The following GRID2 variants were observed in gnomAD, a reference collection of about 807,000 sequenced individuals.
The protein encoded by GRID2 is glutamate ionotropic receptor delta type subunit 2, also known as glutamate receptor ionotropic, delta-2.
Under a neutral mutation model 114.8 loss-of-function variants are expected in GRID2, and 33 were observed. That is an observed-to-expected ratio of 0.29 (90% CI 0.22 to 0.38). The LOEUF (loss-of-function observed/expected upper bound fraction) is 0.38, where lower values mean the gene tolerates loss of function less well. Among genes scored for constraint, GRID2 ranks in the 10% least tolerant of loss-of-function variants. The probability of loss-of-function intolerance (pLI) is 1.00; values close to 1 mark genes in which losing one functional copy is unlikely to be tolerated. For synonymous variants in GRID2, 505 were observed against 449.9 expected, an observed-to-expected ratio of 1.12 and a Z score of -1.55; for missense variants, 1,184 against 1,257.7, an observed-to-expected ratio of 0.94 and a Z score of 0.89.
chr4:93,732,763 TG>T (rs1433649796), intron 14 of GRID2, among the ~76,000 whole-genome samples: 1 of 152,142 alleles, frequency 6.6e-6, no homozygotes, highest in Non-Finnish European at 1.5e-5. Context: ...CAGCAGCTAA[TG>T]GTCACATTAC....
chr4:93,407,899 T>A (rs114119991), intron 9 of GRID2, among the ~76,000 whole-genome samples: 1,880 of 152,050 alleles, frequency 0.012, 45 homozygotes, highest in African/African-American at 0.043. Context: ...TTTTAACCAT[T>A]GCTAGTGGTA....
At chr4:93,710,286 TA>T (rs1217885004) in intron 14 of GRID2, among the ~76,000 whole-genome samples, 1 of 152,208 alleles carries the variant, frequency 6.6e-6, no homozygotes, top group Non-Finnish European at 1.5e-5. Flanking sequence ...ATATATACAT[TA>T]GGGGGCACCC....
At chr4:93,013,850 G>A (rs919534063) in intron 2 of GRID2, among the ~76,000 whole-genome samples, 2 of 151,686 alleles carry the variant, frequency 1.3e-5, no homozygotes, top group Admixed American at 1.3e-4. Context: ...CATTATTTGA[G>A]GGGCAATTAT....
intron 2 of GRID2, among the ~76,000 whole-genome samples, chr4:92,868,873 A>G (rs1468688884): frequency 6.6e-6 from 1 of 152,146 alleles, no homozygotes; most frequent in African/African-American, 2.4e-5. Flanking sequence ...TTCTATTTAT[A>G]TTGCTTAAAA....
chr4:92,477,039 A>G lies in GRID2; in HGVS notation c.89-113092A>G, dbSNP rs73837305. On this transcript the variant is annotated intron_variant, in intron 1 of 15. Coordinates refer to ENST00000282020, the MANE Select transcript of GRID2 (RefSeq NM_001510.4). The stretch of plus-strand genomic sequence containing the variant: ...TGGCTAAACTATTTGATTTAACTTC[A>G]TGTGTGTGTGTGTGTGTGTGTGTGT... Among the ~76,000 whole-genome samples, 179 of 119,536 alleles carry G rather than the reference A, an allele frequency of 1.5e-3. 3 individuals are homozygous for G. Among genetic ancestry groups the G allele is most frequent in the African/African-American group, 3.5e-3 (111 of 31,784 alleles). 78.4% of individuals were successfully genotyped at this position (119,536 alleles called of 152,430 possible).
Position 92,442,545 on chromosome 4 carries a change from C to T in GRID2, c.88+137801C>T, listed in dbSNP as rs570489176. Among the ~76,000 whole-genome samples the T allele has an allele frequency of 3.9e-5, 6 of 152,060 alleles. No individual in the cohort carries two copies. The South Asian group carries it at 8.3e-4, about 21-fold the overall frequency. ...GTCTCACAGTGGAGGCAAGGAATTG[C>T]AACTTTTTTCTATTATTGTACACCT... On this transcript the variant is annotated intron_variant, in intron 1 of 15. Coordinates refer to ENST00000282020, the MANE Select transcript of GRID2 (RefSeq NM_001510.4).
intron 2 of GRID2, among the ~76,000 whole-genome samples, chr4:92,762,982 T>C (rs1427547540): frequency 1.3e-5 from 2 of 152,204 alleles, no homozygotes; most frequent in Non-Finnish European, 2.9e-5. Flanking sequence ...TACATAGTTA[T>C]TGAGGGGGTT....
intron 5 of GRID2, among the ~76,000 whole-genome samples, chr4:93,207,679 C>A (rs1258602110): frequency 6.6e-6 from 1 of 151,912 alleles, no homozygotes. Flanking sequence ...CTCACTGAGT[C>A]TCTTTTAGCT....
intron 8 of GRID2, among the ~76,000 whole-genome samples, chr4:93,307,216 A>T (rs1226568480): frequency 6.5e-5 from 8 of 122,570 alleles, no homozygotes; most frequent in Non-Finnish European, 1.0e-4. Context: ...AGAAAAAAAT[A>T]AAAAAAAAAA....
chr4:93,322,983 C>A lies in GRID2; in HGVS notation c.1246-72624C>A, dbSNP rs375883057. Among the ~76,000 whole-genome samples the A allele has an allele frequency of 3.9e-5, 6 of 152,092 alleles. No homozygotes were observed. In the South Asian group the frequency reaches 8.3e-4, roughly 21 times the overall value. On this transcript the variant is annotated intron_variant, in intron 8 of 15. Transcript: ENST00000282020. ...ATGAGTAGACTGCAAAAATTTTCTC[C>A]TATTCTGTAGGTTGCCTGTTCACTC... is the stretch of plus-strand genomic sequence containing the variant.
At chr4:92,351,167 T>G (rs1012138437) in intron 1 of GRID2, among the ~76,000 whole-genome samples, 2 of 151,886 alleles carry the variant, frequency 1.3e-5, no homozygotes, top group African/African-American at 4.8e-5. Context: ...GGACATATGT[T>G]TTAATTTCTC....
chr4:92,650,524 A>G (rs529383001), intron 2 of GRID2, among the ~76,000 whole-genome samples: 236 of 152,206 alleles, frequency 1.6e-3, no homozygotes, highest in African/African-American at 5.5e-3. Flanking sequence ...CCCTTTGGTA[A>G]TAAGGATTAA....
At chr4:92,688,036 T>TCC (rs1251974038) in intron 2 of GRID2, among the ~76,000 whole-genome samples, 1 of 129,948 alleles carries the variant, frequency 7.7e-6, no homozygotes, top group South Asian at 2.7e-4. Flanking sequence ...CCCTTCTTCT[T>TCC]CTTTTTTTTT....
At chr4:92,521,440 G>C (rs1240549884) in intron 1 of GRID2, among the ~76,000 whole-genome samples, 1 of 151,864 alleles carries the variant, frequency 6.6e-6, no homozygotes, top group Non-Finnish European at 1.5e-5. Context: ...TAAAATAAAT[G>C]AGTTATTAAA....
Position 93,241,808 on chromosome 4 carries a change from A to G in GRID2, c.1245+3318A>G, listed in dbSNP as rs554285918. The stretch of plus-strand genomic sequence containing the variant: ...AATAGCAACAGTAGAAAAGTAAAAA[A>G]AAAAAAAAAGTGAGTATGTTTGGGT... On this transcript the variant is annotated intron_variant, in intron 8 of 15. Coordinates refer to ENST00000282020, the MANE Select transcript of GRID2 (RefSeq NM_001510.4). Among the ~76,000 whole-genome samples, 17 of 151,974 alleles carry G rather than the reference A, an allele frequency of 1.1e-4. No individual in the cohort carries two copies. In the South Asian group the frequency reaches 1.4e-3, roughly 13 times the overall value.
intron 2 of GRID2, among the ~76,000 whole-genome samples, chr4:92,898,976 A>G (rs1747369343): frequency 6.6e-6 from 1 of 152,100 alleles, no homozygotes; most frequent in Non-Finnish European, 1.5e-5. Context: ...ACAACATAAC[A>G]TTATAGCTGT....
At chr4:93,523,148 C>T (rs1460772364) in intron 13 of GRID2, among the ~76,000 whole-genome samples, 1 of 152,120 alleles carries the variant, frequency 6.6e-6, no homozygotes, top group African/African-American at 2.4e-5. Context: ...ACACTGGATC[C>T]TGTCCCAGTG....
At chr4:92,678,413 C>A (rs1733489202) in intron 2 of GRID2, among the ~76,000 whole-genome samples, 2 of 152,018 alleles carry the variant, frequency 1.3e-5, no homozygotes, top group Admixed American at 1.3e-4. Context: ...CATACCTTTA[C>A]TTTATGACTA....
intron 13 of GRID2, among the ~76,000 whole-genome samples, chr4:93,614,718 C>G (rs1167071974): frequency 6.6e-6 from 1 of 152,006 alleles, no homozygotes; most frequent in Non-Finnish European, 1.5e-5. Flanking sequence ...TCCTCTGATA[C>G]AGCAGTTATT....
Sources: allele counts gnomAD v4.1 joint callset (sites outside exome capture counted in the v4.1 genomes callset), GRCh38; gene constraint gnomAD v4.1.1; transcripts MANE v1.5; gene names NCBI Gene and HGNC (gene_info 2026-07-23, HGNC 2026-07-21).